Variants in SOBP observed in about 807,000 individuals in gnomAD.
SOBP encodes sine oculis binding protein homolog.
In SOBP, 4 loss-of-function variants were observed where a neutral mutation model predicts 53.6. The ratio of observed to expected loss-of-function variants is 0.07; its 90% CI spans 0.04 to 0.17. The LOEUF is 0.17. Among genes scored for constraint, SOBP ranks in the 10% least tolerant of loss-of-function variants. The pLI is 1.00. For synonymous variants in SOBP, 584 were observed against 522.6 expected (o/e 1.12, Z -1.60); for missense variants, 1,088 against 1,204.7 (o/e 0.90, Z 1.43).
At chr6:107,641,988 C>A (rs573543562) in intron 6 of SOBP, among the ~76,000 whole-genome samples, 1 of 152,342 alleles carries the variant, frequency 6.6e-6, no homozygotes, top group Admixed American at 6.5e-5. Flanking sequence ...GTTTTAAGTG[C>A]ATAGCACTTT....
intron 3 of SOBP, among the ~76,000 whole-genome samples, chr6:107,517,476 AC>A (rs1783354982): frequency 6.6e-6 from 1 of 152,134 alleles, no homozygotes; most frequent in Non-Finnish European, 1.5e-5. Context: ...ATCCCACTGG[AC>A]AAAGGCCCCA....
intron 4 of SOBP, among the ~76,000 whole-genome samples, chr6:107,562,129 C>G (rs1173464148): frequency 6.7e-6 from 1 of 150,262 alleles, no homozygotes; most frequent in Non-Finnish European, 1.5e-5. Context: ...TTCCCGGGTT[C>G]AAGTGATTCT....
intron 3 of SOBP, among the ~76,000 whole-genome samples, 188 bp from the exon 4 acceptor site, chr6:107,533,271 C>CAAAAAA (rs762864049): frequency 1.2e-4 from 4 of 32,814 alleles, no homozygotes; most frequent in African/African-American, 9.8e-5. Context: ...ACTTAGGAGC[C>CAAAAAA]AAAAAAAAAA....
chr6:107,531,216 C>T (rs959071470), intron 3 of SOBP, among the ~76,000 whole-genome samples: 1 of 152,190 alleles, frequency 6.6e-6, no homozygotes, highest in Non-Finnish European at 1.5e-5. Context: ...GGACCTAATG[C>T]ATGTTCTAAA....
intron 4 of SOBP, among the ~76,000 whole-genome samples, chr6:107,565,699 C>T (rs1282322320): frequency 6.6e-6 from 1 of 152,196 alleles, no homozygotes; most frequent in Non-Finnish European, 1.5e-5. Flanking sequence ...TGCACCTAAT[C>T]TCTAGGCAAT....
chr6:107,528,710 G>A (rs1411909742), intron 3 of SOBP, among the ~76,000 whole-genome samples: 2 of 152,192 alleles, frequency 1.3e-5, no homozygotes, highest in East Asian at 3.8e-4. Context: ...TGAGCAATGT[G>A]CTGTGTAAGT....
chr6:107,533,400 C>G (rs1783899474), intron 3 of SOBP, 59 bp from the exon 4 acceptor site: 1 of 1,577,938 alleles, frequency 6.3e-7, no homozygotes, highest in South Asian at 1.1e-5. Flanking sequence ...CAGGGTGTGT[C>G]TAAATTTGAA....
At position 107,633,582 on chromosome 6, in the gene SOBP, G is replaced by C. The variant is rs761683197; in HGVS notation, c.738G>C (p.Arg246Ser). The change falls in exon 6 of 7, where the codon AGG becomes AGC. Residue 246 changes from arginine (R) to serine (S), a missense_variant. Physicochemically the swap from Arg to Ser is moderately radical, Grantham distance 110. This residue lies in a region of SOBP where 55 missense variants were observed against 134.3 expected (regional missense o/e 0.41). Transcript: ENST00000317357. ...TGGATTTTGGGGACGGGGAAAGAAG[G>C]CTTCAGTTCTGCAGTGCAAAATGTC... Reference protein sequence around the residue: ...EYLDFGDGERRLQFCSAKCLN... With the variant: ...EYLDFGDGERSLQFCSAKCLN... 3.7e-6 allele frequency: 6 copies of C among 1,614,186 alleles called. No individual in the cohort carries two copies. Among genetic ancestry groups the C allele is most frequent in the Non-Finnish European group, 5.1e-6 (6 of 1,180,036 alleles).
intron 5 of SOBP, among the ~76,000 whole-genome samples, chr6:107,609,103 C>A (rs1279835172): frequency 6.6e-6 from 1 of 152,190 alleles, no homozygotes; most frequent in Non-Finnish European, 1.5e-5. Context: ...ATGATCTCAG[C>A]AGGCTTTTGA....
At chr6:107,531,889 A>G (rs1011915076) in intron 3 of SOBP, among the ~76,000 whole-genome samples, 1 of 152,174 alleles carries the variant, frequency 6.6e-6, no homozygotes, top group Non-Finnish European at 1.5e-5. Flanking sequence ...AATGCTGCAT[A>G]TAGTTCTGAG....
At chr6:107,507,302 A>ATTTAAATTTT (rs1179609216) in intron 3 of SOBP, among the ~76,000 whole-genome samples, 3 of 151,658 alleles carry the variant, frequency 2.0e-5, no homozygotes, top group Non-Finnish European at 4.4e-5. Flanking sequence ...TTTTTTTGAG[A>ATTTAAATTTT]TTTAAATTTT....
intron 4 of SOBP, among the ~76,000 whole-genome samples, chr6:107,536,919 G>A (rs929227153): frequency 2.6e-5 from 4 of 152,196 alleles, no homozygotes; most frequent in Admixed American, 1.3e-4. Flanking sequence ...TTGAAACAGC[G>A]GGTAAGAAAA....
At chr6:107,539,738 G>A (rs1784100594) in intron 4 of SOBP, among the ~76,000 whole-genome samples, 1 of 152,174 alleles carries the variant, frequency 6.6e-6, no homozygotes, top group South Asian at 2.1e-4. Context: ...ATTTATTTGG[G>A]ACGAACATTC....
At chr6:107,545,670 A>G (rs1583195864) in intron 4 of SOBP, among the ~76,000 whole-genome samples, 2 of 152,110 alleles carry the variant, frequency 1.3e-5, no homozygotes, top group East Asian at 3.9e-4. Context: ...TTCAGATGCC[A>G]GATGGGAGAG....
intron 6 of SOBP, among the ~76,000 whole-genome samples, chr6:107,645,674 G>A (rs949003530): frequency 6.6e-5 from 10 of 152,232 alleles, no homozygotes; most frequent in African/African-American, 2.4e-4. Flanking sequence ...ACAGGGGCTG[G>A]AAGAATGAGC....
chr6:107,535,526 T>G (rs1489318513), intron 4 of SOBP, among the ~76,000 whole-genome samples: 2 of 152,124 alleles, frequency 1.3e-5, no homozygotes, highest in African/African-American at 2.4e-5. Flanking sequence ...TGATCCCAGT[T>G]GTCTGTTAGT....
At chr6:107,517,072 A>G (rs1385034738) in intron 3 of SOBP, among the ~76,000 whole-genome samples, 1 of 152,208 alleles carries the variant, frequency 6.6e-6, no homozygotes, top group East Asian at 1.9e-4. Context: ...AATCTTGAAG[A>G]AAAAAATAAA....
At chr6:107,547,584 T>C (rs1784336709) in intron 4 of SOBP, among the ~76,000 whole-genome samples, 1 of 152,206 alleles carries the variant, frequency 6.6e-6, no homozygotes. Context: ...AAAGGTATAT[T>C]GTTGAGGACA....
intron 1 of SOBP, among the ~76,000 whole-genome samples, chr6:107,498,533 C>T (rs1782755196): frequency 6.6e-6 from 1 of 151,776 alleles, no homozygotes; most frequent in Admixed American, 6.6e-5. Context: ...TATTATTTAC[C>T]TGGTAAAATG....
Sources: gnomAD v4.1 joint callset for allele counts (sites outside exome capture counted in the v4.1 genomes callset) on GRCh38, gnomAD v4.1.1 for gene constraint, gnomAD v4.1.1 regional missense constraint, MANE v1.5 for transcripts, NCBI Gene and HGNC (gene_info 2026-07-23, HGNC 2026-07-21) for gene names.